The following MUC5AC variants were observed in gnomAD, a reference collection of about 807,000 sequenced individuals.
MUC5AC encodes the protein mucin 5AC, oligomeric mucus/gel-forming.
Under a neutral mutation model 169.7 loss-of-function variants are expected in MUC5AC, and 158 were observed. The ratio of observed to expected loss-of-function variants is 0.93; its 90% CI spans 0.82 to 1.06. The LOEUF is 1.06. Among genes scored for constraint, MUC5AC ranks in the 50% least tolerant of loss-of-function variants. MUC5AC has a pLI of 0.00. For missense variants in MUC5AC, 4,359 were observed against 3,089.9 expected, an observed-to-expected ratio of 1.41 and a Z score of -9.74; for synonymous variants, 1,975 against 1,237.0, an observed-to-expected ratio of 1.60 and a Z score of -12.52.
At chr11:1,170,506 G>A (rs1359931786) in intron 15 of MUC5AC, among the ~76,000 whole-genome samples, 3 of 28,742 alleles carry the variant, frequency 1.0e-4, no homozygotes, top group Non-Finnish European at 1.3e-4. Context: ...CCCACTCACC[G>A]ACTCAACCAT....
At position 1,176,870 on chromosome 11, in the gene MUC5AC, C is replaced by A. The variant is rs1220593156; in HGVS notation, c.2655-58C>A. On this transcript the variant is annotated intron_variant, in intron 21 of 48. Transcript: ENST00000621226. Reference sequence around the variant, plus strand: ...GGTCCCCCCAGGGGTAGGAAGGCTGCACCCAGTCAGGCAGGCACCCTGTGT... The same window carrying A: ...GGTCCCCCCAGGGGTAGGAAGGCTGAACCCAGTCAGGCAGGCACCCTGTGT... 11 of 398,562 alleles carry A rather than the reference C, an allele frequency of 2.8e-5. No homozygotes were observed. The Admixed American group carries it at 3.5e-4, about 13-fold the overall frequency. 24.7% of individuals were successfully genotyped at this position (398,562 alleles called of 1,614,324 possible). A position where few individuals can be genotyped will look rare whatever the true frequency, so the allele number is the denominator to read the frequency against.
chr11:1,175,682 A>G (rs1371783854), intron 19 of MUC5AC, among the ~76,000 whole-genome samples: 4 of 144,096 alleles, frequency 2.8e-5, no homozygotes, highest in Non-Finnish European at 6.0e-5. Flanking sequence ...ACACCCACTC[A>G]TGCACACACA....
At chr11:1,174,777 G>C (rs913613488) in intron 17 of MUC5AC, 105 bp from the exon 18 acceptor site, 16 of 455,820 alleles carry the variant, frequency 3.5e-5, no homozygotes, top group Non-Finnish European at 6.2e-5. Context: ...GGACCCGGCC[G>C]AGGAGGGGAG....
At chr11:1,158,184 C>T (rs1207343359) in intron 1 of MUC5AC, 112 bp downstream of exon 1, 12 of 951,556 alleles carry the variant, frequency 1.3e-5, no homozygotes, top group Middle Eastern at 3.1e-4. Context: ...GTGCCATGAA[C>T]GGCTCCCAGC....
intron 33 of MUC5AC, 145 bp downstream of exon 33, chr11:1,193,804 G>A (rs997985636): frequency 3.4e-5 from 21 of 625,206 alleles, no homozygotes; most frequent in Admixed American, 7.3e-5. Context: ...GCATCAAGGC[G>A]GGGCCGCATG....
chr11:1,189,896 T>C lies in MUC5AC; in HGVS notation c.11751T>C (p.Thr3917=), dbSNP rs1198870921. The C allele has an allele frequency of 7.8e-6, 6 of 764,836 alleles. No individual in the cohort carries two copies. In the African/African-American group the frequency reaches 1.0e-4, roughly 13 times the overall value. The allele number at this position is 764,836 out of a possible 1,614,324, so 47.4% of individuals were successfully genotyped here. Residue 3917 remains threonine (T), a synonymous_variant, in exon 31 of 49, where the codon ACT becomes ACC. Coordinates refer to ENST00000621226, the MANE Select transcript of MUC5AC (RefSeq NM_001304359.2). Reference sequence around the variant, plus strand: ...GCAGCACAACCTCCGGTTCTGGAACTACTCCCAGCCCCGTTCCCACCACCA... The same window carrying C: ...GCAGCACAACCTCCGGTTCTGGAACCACTCCCAGCCCCGTTCCCACCACCA... The part of the protein sequence containing the change: ...ATSSTTSGSG[T]TPSPVPTTST...
chr11:1,167,993 T>C lies in MUC5AC; in HGVS notation c.1497+6T>C, dbSNP rs1564908716. 1.3e-6 allele frequency: 2 copies of C among 1,549,458 alleles called. No homozygotes were observed. Among genetic ancestry groups the C allele is most frequent in the Admixed American group, 3.9e-5 (2 of 50,998 alleles). On this transcript the variant is annotated splice_donor_region_variant and intron_variant, in intron 12 of 48. Coordinates refer to ENST00000621226, the MANE Select transcript of MUC5AC (RefSeq NM_001304359.2). ...GCCTGGATGGGGCGCAGACGGTGAG[T>C]GGAGCCTGGCAGGGCAAACCCCGGG...
rs1276730904 is a variant in MUC5AC, at chr11:1,186,894, A to T, written c.8749A>T (p.Thr2917Ser). Reference sequence around the variant, plus strand: ...AACCTCTGCCCCTACAACCAGCACAACCTCTGCCCCTACAAGCAGCACAAC... The same window carrying T: ...AACCTCTGCCCCTACAACCAGCACATCCTCTGCCCCTACAAGCAGCACAAC... ...STTSAPTTST[T>S]SAPTSSTTSA... Residue 2917 changes from threonine (T) to serine (S), a missense_variant, in exon 31 of 49, where the codon ACC (threonine) becomes TCC (serine). Thr to Ser is a moderately conservative substitution (Grantham distance 58). Coordinates refer to ENST00000621226, the MANE Select transcript of MUC5AC (RefSeq NM_001304359.2). The T allele has an allele frequency of 3.0e-5, 22 of 724,814 alleles. No homozygotes were observed. Among genetic ancestry groups the T allele is most frequent in the Admixed American group, 1.9e-5 (1 of 52,350 alleles). 44.9% of individuals were successfully genotyped at this position (724,814 alleles called of 1,614,324 possible).
Position 1,180,434 on chromosome 11 carries a change from C to T in MUC5AC, c.3694C>T (p.Pro1232Ser), listed in dbSNP as rs1250715264. The T allele has an allele frequency of 5.0e-6, 2 of 398,772 alleles. No homozygotes were observed. The highest frequency in any genetic ancestry group is 4.1e-5 in the African/African-American group (2 of 48,646). 24.7% of individuals were successfully genotyped at this position (398,772 alleles called of 1,614,324 possible). A position where few individuals can be genotyped will look rare whatever the true frequency, so the allele number is the denominator to read the frequency against. The change falls in exon 28 of 49, where the codon CCT becomes TCT. Residue 1232 changes from proline to serine, a missense_variant. Pro to Ser is a moderately conservative substitution (Grantham distance 74). Coordinates refer to ENST00000621226, the MANE Select transcript of MUC5AC (RefSeq NM_001304359.2). ...GTGTGTGGCCACCTGCCCAACCCCG[C>T]CTCTGCCACCACGGTGCCACGTCCA... ...MQCVATCPTP[P>S]LPPRCHVHGK...
intron 4 of MUC5AC, 33 bp from the exon 5 acceptor site, chr11:1,162,499 C>T (rs779305117): frequency 1.1e-5 from 17 of 1,589,986 alleles, no homozygotes; most frequent in South Asian, 8.9e-5. Context: ...CCTCACTGCG[C>T]TCCCAGCCCC....
chr11:1,178,523 G>A lies in MUC5AC; in HGVS notation c.3167G>A (p.Gly1056Glu), dbSNP rs922196088. ...GCCACGCGGAGCCGGTCTGTGGTGG[G>A]GGACGTGCTGGAGTTTGGGAACAGC... Reference protein sequence around the residue: ...DFATRSRSVVGDVLEFGNSWK... With the variant: ...DFATRSRSVVEDVLEFGNSWK... Residue 1056 changes from glycine to glutamate, a missense_variant, in exon 25 of 49, where the codon GGG (glycine) becomes GAG (glutamate). Coordinates refer to ENST00000621226, the MANE Select transcript of MUC5AC (RefSeq NM_001304359.2). 4.7e-6 allele frequency: 6 copies of A among 1,285,522 alleles called. No homozygotes were observed. The highest frequency in any genetic ancestry group is 1.5e-5 in the African/African-American group (1 of 64,534). 79.6% of individuals were successfully genotyped at this position (1,285,522 alleles called of 1,614,324 possible).
Position 1,189,060 on chromosome 11 carries a change from G to A in MUC5AC, c.10915G>A (p.Gly3639Arg). 1 of 642,474 alleles carries A rather than the reference G, an allele frequency of 1.6e-6. No individual in the cohort carries two copies. The highest frequency in any genetic ancestry group is 2.8e-6 in the Non-Finnish European group (1 of 357,802). 39.8% of individuals were successfully genotyped at this position (642,474 alleles called of 1,614,324 possible). ...TGTGACAGCTCCTAGCACCCCTAGT[G>A]GGAGAGCCACCAGCCCAACTCAGAG... Reference protein sequence around the residue: ...TSVTAPSTPSGRATSPTQSTS... With the variant: ...TSVTAPSTPSRRATSPTQSTS... Residue 3639 changes from glycine (G) to arginine (R), a missense_variant, in exon 31 of 49, where the codon GGG (glycine) becomes AGG (arginine). By Grantham distance (125) the Gly-to-Arg change is moderately radical. Transcript: ENST00000621226.
In MUC5AC at chr11:1,189,769, C is replaced by G; in HGVS notation, c.11624C>G (p.Pro3875Arg). The change falls in exon 31 of 49, where the codon CCT (proline) becomes CGT (arginine). Residue 3875 changes from proline (P) to arginine (R), a missense_variant. By Grantham distance (103) the Pro-to-Arg change is moderately radical (BLOSUM62 -2). Coordinates refer to ENST00000621226, the MANE Select transcript of MUC5AC (RefSeq NM_001304359.2). ...CCTACAGCCAGCACAATCTCTGCCC[C>G]TACAACCAGCACAACCTCTTTCCAT... ...SAPTASTISA[P>R]TTSTTSFHTT... The G allele has an allele frequency of 1.5e-6, 1 of 686,352 alleles. No homozygotes were observed. The highest frequency in any genetic ancestry group is 2.7e-6 in the Non-Finnish European group (1 of 376,978). 42.5% of individuals were successfully genotyped at this position (686,352 alleles called of 1,614,324 possible).
In MUC5AC at chr11:1,164,315, C is replaced by T. The variant is rs1860238725; in HGVS notation, c.999C>T (p.Phe333=). The change falls in exon 8 of 49, where the codon TTC becomes TTT. Residue 333 remains phenylalanine (F), a synonymous_variant. Transcript: ENST00000621226. ...GLPQDWRGPD[F]CPQKCPNNMQ... is the part of the protein sequence containing the mutation. The stretch of plus-strand genomic sequence containing the variant: ...CCCAGGACTGGCGGGGCCCTGACTT[C>T]TGCCGTGAGTGTCCCAGCCCCCTGT... The T allele has an allele frequency of 1.9e-6, 3 of 1,612,102 alleles. No individual in the cohort carries two copies. Among genetic ancestry groups the T allele is most frequent in the Middle Eastern group, 1.6e-4 (1 of 6,062 alleles).
At chr11:1,200,267 G>A (rs1861390159) in intron 48 of MUC5AC, among the ~76,000 whole-genome samples, 171 bp from the exon 49 acceptor site, 1 of 152,228 alleles carries the variant, frequency 6.6e-6, no homozygotes, top group Admixed American at 6.5e-5. Context: ...GGCCCTGGTG[G>A]GACTGTTGGC....
rs28691231 is a variant in MUC5AC, at chr11:1,164,456, C to T, written c.1053C>T (p.Cys351=). 300,141 of 1,611,424 alleles carry T rather than the reference C, an allele frequency of 0.19. 30,357 individuals carry two copies. The highest frequency in any genetic ancestry group is 0.21 in the Non-Finnish European group (247,586 of 1,179,236). ...NMQYHECRSP[C]ADTCSNQEHS... ...AGTACCACGAGTGCCGCTCCCCCTG[C>T]GCAGACACCTGCTCCAACCAGGAGC... Residue 351 remains cysteine (C), a synonymous_variant, in exon 9 of 49, where the codon TGC becomes TGT. Transcript: ENST00000621226.
At position 1,158,153 on chromosome 11, in the gene MUC5AC, TG is replaced by T. The variant is rs1860015771; in HGVS notation, c.73+84del. The stretch of plus-strand genomic sequence containing the variant: ...GCCTCAGGCAGCTCAGTCTTTGCCC[TG>T]GGTTCCGGGCAGGCTGCATGTGCCA... On this transcript the variant is annotated intron_variant, in intron 1 of 48. Transcript: ENST00000621226. The T allele has an allele frequency of 3.0e-6, 4 of 1,314,644 alleles. No homozygotes were observed. In the Admixed American group the frequency reaches 8.6e-5, roughly 28 times the overall value. 81.4% of individuals were successfully genotyped at this position (1,314,644 alleles called of 1,614,324 possible).
rs1860943735 is a variant in MUC5AC, at chr11:1,186,291, A to G, written c.8146A>G (p.Thr2716Ala). 1 of 732,714 alleles carries G rather than the reference A, an allele frequency of 1.4e-6. No individual in the cohort carries two copies. Among genetic ancestry groups the G allele is most frequent in the Non-Finnish European group, 2.5e-6 (1 of 401,906 alleles). The allele number at this position is 732,714 out of a possible 1,614,324, so 45.4% of individuals were successfully genotyped here. The change falls in exon 31 of 49, where the codon ACA becomes GCA. Residue 2716 changes from threonine (T) to alanine (A), a missense_variant. By Grantham distance (58) the Thr-to-Ala change is moderately conservative. Coordinates refer to ENST00000621226, the MANE Select transcript of MUC5AC (RefSeq NM_001304359.2). ...TSTTSAPTTS[T>A]TSAPTTSTIS... ...CACAACCTCTGCTCCCACAACAAGC[A>G]CAACCTCTGCCCCTACAACCAGCAC...
intron 11 of MUC5AC, 84 bp downstream of exon 11, chr11:1,165,844 G>A: frequency 6.4e-7 from 1 of 1,572,592 alleles, no homozygotes; most frequent in Non-Finnish European, 8.6e-7. Flanking sequence ...TTGGCTGCAT[G>A]TCACTGCTGC....
Sources: allele counts gnomAD v4.1 joint callset (sites outside exome capture counted in the v4.1 genomes callset), GRCh38; gene constraint gnomAD v4.1.1; transcripts MANE v1.5; gene names NCBI Gene and HGNC (gene_info 2026-07-23, HGNC 2026-07-21).